Variants in SORCS3 observed in about 807,000 individuals in gnomAD.
SORCS3 encodes the protein sortilin related VPS10 domain containing receptor 3, also known as VPS10 domain-containing receptor SorCS3.
SORCS3 carries 57 observed loss-of-function variants against 146.3 expected under a neutral mutation model. That is an observed-to-expected ratio of 0.39 (90% CI 0.31 to 0.49). SORCS3 has a LOEUF of 0.49. Ranked by LOEUF, SORCS3 falls within the 20% of genes least tolerant of loss-of-function variation. The probability of loss-of-function intolerance (pLI) is 0.92; values close to 1 mark genes in which losing one functional copy is unlikely to be tolerated. For missense variants in SORCS3, 1,341 were observed against 1,575.5 expected (o/e 0.85, Z 2.52); for synonymous variants, 653 against 618.5 (o/e 1.06, Z -0.83).
chr10:105,157,324 T>A, intron 10 of SORCS3, 40 bp downstream of exon 10: 1 of 1,607,762 alleles, frequency 6.2e-7, no homozygotes, highest in South Asian at 1.1e-5. Flanking sequence ...CAGGGCAGGC[T>A]GGCCACCTGC....
At chr10:105,177,922 G>A in intron 13 of SORCS3, 144 bp from the exon 14 acceptor site, 1 of 629,048 alleles carries the variant, frequency 1.6e-6, no homozygotes, top group South Asian at 2.0e-5. Flanking sequence ...ATAATATGGG[G>A]AGATGTTGAA....
rs1466503644 is a variant in SORCS3 at position 105,252,863 on chromosome 10, A to G, written c.3194A>G (p.Asn1065Ser). The change falls in exon 23 of 27, where the codon AAC becomes AGC. Residue 1065 changes from asparagine to serine, a missense_variant. By Grantham distance (46) the Asn-to-Ser change is conservative. Transcript: ENST00000369701. ...SAELFILPPK[N>S]LTERRKGNEG... ...GAGCTTTTCATTCTTCCACCCAAGAACCTGACAGAGAGGAGGAAAGGCAAT... is the reference window on the plus strand; with the variant it reads ...GAGCTTTTCATTCTTCCACCCAAGAGCCTGACAGAGAGGAGGAAAGGCAAT... 1.9e-6 allele frequency: 3 copies of G among 1,613,970 alleles called. No individual in the cohort carries two copies. The South Asian group carries it at 3.3e-5, about 18-fold the overall frequency.
At chr10:105,047,647 G>C (rs1446767587) in intron 5 of SORCS3, among the ~76,000 whole-genome samples, 1 of 152,096 alleles carries the variant, frequency 6.6e-6, no homozygotes, top group Non-Finnish European at 1.5e-5. Flanking sequence ...TGCAGGGAAT[G>C]TGTATCTTGA....
At chr10:104,826,811 C>T (rs374187971) in intron 1 of SORCS3, among the ~76,000 whole-genome samples, 8 of 152,182 alleles carry the variant, frequency 5.3e-5, no homozygotes, top group African/African-American at 1.9e-4. Context: ...GCATTTTACC[C>T]ACAGTAAACT....
At position 105,236,934 on chromosome 10, in the gene SORCS3, C is replaced by A. The variant is rs939695592; in HGVS notation, c.2869-8608C>A. Among the ~76,000 whole-genome samples, 3 of 152,064 alleles carry A rather than the reference C, an allele frequency of 2.0e-5. No individual in the cohort carries two copies. The East Asian group carries it at 5.8e-4, about 29-fold the overall frequency. On this transcript the variant is annotated intron_variant, in intron 20 of 26. Coordinates refer to ENST00000369701, the MANE Select transcript of SORCS3 (RefSeq NM_014978.3). The stretch of plus-strand genomic sequence containing the variant: ...TCCACTTCTCTATCAAGCAATCAAT[C>A]TATCTATCTATCTATCTACTACCTA...
chr10:104,981,609 AG>A (rs1192324787), intron 4 of SORCS3, among the ~76,000 whole-genome samples: 10 of 152,198 alleles, frequency 6.6e-5, no homozygotes, highest in Admixed American at 2.0e-4. Flanking sequence ...ATTTTGAGAT[AG>A]GTTTTGAAGA....
At chr10:104,930,938 T>C (rs1028110138) in intron 3 of SORCS3, among the ~76,000 whole-genome samples, 1 of 152,216 alleles carries the variant, frequency 6.6e-6, no homozygotes, top group Non-Finnish European at 1.5e-5. Flanking sequence ...ACCCTGTAAG[T>C]AAATACTATT....
chr10:105,138,520 T>C (rs773637870), intron 7 of SORCS3, among the ~76,000 whole-genome samples: 3 of 152,226 alleles, frequency 2.0e-5, no homozygotes, highest in Non-Finnish European at 2.9e-5. Flanking sequence ...GTTGCTATTG[T>C]TGTCCTGCTA....
chr10:104,849,493 CAGTG>C (rs1328363302), intron 2 of SORCS3, among the ~76,000 whole-genome samples: 1 of 149,452 alleles, frequency 6.7e-6, no homozygotes, highest in Non-Finnish European at 1.5e-5. Flanking sequence ...CACCTGGTGA[CAGTG>C]GGTGGCATAT....
At chr10:105,003,316 C>G (rs2055072746) in intron 4 of SORCS3, among the ~76,000 whole-genome samples, 1 of 152,102 alleles carries the variant, frequency 6.6e-6, no homozygotes. Flanking sequence ...GCCTGTTCCT[C>G]TTGTTAGTAG....
chr10:105,130,680 G>T (rs1328234255), intron 7 of SORCS3, among the ~76,000 whole-genome samples: 2 of 151,962 alleles, frequency 1.3e-5, no homozygotes, highest in African/African-American at 4.8e-5. Context: ...ATTATGTTAG[G>T]GCACCAATAA....
At chr10:104,719,360 G>A (rs1209858540) in intron 1 of SORCS3, among the ~76,000 whole-genome samples, 2 of 152,158 alleles carry the variant, frequency 1.3e-5, no homozygotes, top group African/African-American at 4.8e-5. Context: ...TTTGGTTAAT[G>A]GTTGCAGGGG....
At chr10:104,804,885 G>A (rs995187879) in intron 1 of SORCS3, among the ~76,000 whole-genome samples, 1 of 152,192 alleles carries the variant, frequency 6.6e-6, no homozygotes, top group East Asian at 1.9e-4. Context: ...TTAGGAAAGG[G>A]TGGACTCTAG....
At chr10:105,166,966 G>T (rs2056319157) in intron 12 of SORCS3, among the ~76,000 whole-genome samples, 1 of 152,146 alleles carries the variant, frequency 6.6e-6, no homozygotes, top group Non-Finnish European at 1.5e-5. Context: ...GGGTTACCTA[G>T]TTGAGCATGC....
intron 4 of SORCS3, among the ~76,000 whole-genome samples, chr10:105,031,726 A>G (rs908417205): frequency 1.3e-5 from 2 of 152,150 alleles, no homozygotes; most frequent in East Asian, 1.9e-4. Flanking sequence ...CTGCCCTCCA[A>G]TGCTACATGG....
In SORCS3 at chr10:104,994,504, G is replaced by T. The variant is rs74554025; in HGVS notation, c.954+17011G>T. 3.8e-3 allele frequency among the ~76,000 whole-genome samples: 580 copies of T among 152,246 alleles called. 5 individuals are homozygous for T. Among genetic ancestry groups the T allele is most frequent in the African/African-American group, 0.014 (567 of 41,546 alleles). On this transcript the variant is annotated intron_variant, in intron 4 of 26. Transcript: ENST00000369701. ...AAATATATAAACTTGATAAAATTTT[G>T]ATATGAATACACCCATGCAGTCATC...
At chr10:104,788,731 C>CA (rs1395441751) in intron 1 of SORCS3, among the ~76,000 whole-genome samples, 1 of 152,092 alleles carries the variant, frequency 6.6e-6, no homozygotes, top group Non-Finnish European at 1.5e-5. Context: ...GAAAGATGAG[C>CA]AAATTGTGGT....
rs550559217 is a variant in SORCS3 at position 104,852,982 on chromosome 10, C to T, written c.695+10123C>T. On this transcript the variant is annotated intron_variant, in intron 2 of 26. Coordinates refer to ENST00000369701, the MANE Select transcript of SORCS3 (RefSeq NM_014978.3). The stretch of plus-strand genomic sequence containing the variant: ...CAGTTGGCCGTCAGGAATCTAGGTT[C>T]TGGTGGGGATCAGAGGACACAAAAA... Among the ~76,000 whole-genome samples the T allele has an allele frequency of 2.0e-5, 3 of 152,266 alleles. No individual in the cohort carries two copies. In the East Asian group the frequency reaches 5.8e-4, roughly 29 times the overall value.
At chr10:105,254,796 TAAA>T (rs528910878) in intron 23 of SORCS3, among the ~76,000 whole-genome samples, 34 of 150,826 alleles carry the variant, frequency 2.3e-4, no homozygotes, top group South Asian at 4.2e-4. Flanking sequence ...AGATTCCATC[TAAA>T]AAAAAAAAGA....
Sources: gnomAD v4.1 joint callset for allele counts (sites outside exome capture counted in the v4.1 genomes callset) on GRCh38, gnomAD v4.1.1 for gene constraint, MANE v1.5 for transcripts, NCBI Gene and HGNC (gene_info 2026-07-23, HGNC 2026-07-21) for gene names.